ALKBH4: variants seen among roughly 807,000 people sequenced by gnomAD.
ALKBH4 encodes alkB homolog 4, lysine demethylase.
In ALKBH4, 8 loss-of-function variants were observed where a neutral mutation model predicts 12.1. The ratio of observed to expected loss-of-function variants is 0.66; its 90% CI spans 0.39 to 1.19. The LOEUF is 1.19. Ranked by LOEUF, ALKBH4 falls within the 50% of genes most tolerant of loss-of-function variation. The pLI is 0.01. For synonymous variants in ALKBH4, 195 were observed against 191.6 expected, an observed-to-expected ratio of 1.02 and a Z score of -0.15; for missense variants, 403 against 430.4, an observed-to-expected ratio of 0.94 and a Z score of 0.56.
chr7:102,462,517 A>C (rs1323896111), intron 1 of ALKBH4, among the ~76,000 whole-genome samples: 1 of 151,644 alleles, frequency 6.6e-6, no homozygotes, highest in Non-Finnish European at 1.5e-5. Flanking sequence ...ACAAGCACAC[A>C]CCACCACACC....
Position 102,457,412 on chromosome 7 carries a change from G to A in ALKBH4, c.891C>T (p.Phe297=). ...GQELLRIALS[F]QGRPV ...AGGCGGTTCACACGGGTCTTCCCTG[G>A]AAGGAGAGGGCGATCCGCAGCAGTT... The change falls in exon 3 of 3, where the codon TTC becomes TTT. Residue 297 remains phenylalanine (F), a synonymous_variant. Coordinates refer to ENST00000292566, the MANE Select transcript of ALKBH4 (RefSeq NM_017621.4). The surrounding 1 kb of genome is among the most constrained non-coding windows in gnomAD (Gnocchi z 5.9). 2 of 1,611,688 alleles carry A rather than the reference G, an allele frequency of 1.2e-6. No homozygotes were observed. Among genetic ancestry groups the A allele is most frequent in the Non-Finnish European group, 1.7e-6 (2 of 1,178,508 alleles).
Position 102,457,742 on chromosome 7 carries a change from G to A in ALKBH4, c.561C>T (p.Ser187=). Reference sequence around the variant, plus strand: ...CCCGACACATGGACAGCACGGTGGGGGACAGGAGGTTGAGGCTGACCAGCC... The same window carrying A: ...CCCGACACATGGACAGCACGGTGGGAGACAGGAGGTTGAGGCTGACCAGCC... ...GERLVSLNLL[S]PTVLSMCREA... Residue 187 remains serine, a synonymous_variant, in exon 3 of 3, where the codon TCC becomes TCT. Coordinates refer to ENST00000292566, the MANE Select transcript of ALKBH4 (RefSeq NM_017621.4). This position sits in a 1 kb window ranked among gnomAD's most constrained non-coding sequence, Gnocchi z 5.9. 6.3e-7 allele frequency: 1 copy of A among 1,578,754 alleles called. No homozygotes were observed. Among genetic ancestry groups the A allele is most frequent in the Non-Finnish European group, 8.6e-7 (1 of 1,165,284 alleles).
intron 1 of ALKBH4, 75 bp downstream of exon 1, chr7:102,464,639 C>T: frequency 2.1e-6 from 3 of 1,448,116 alleles, no homozygotes; most frequent in Non-Finnish European, 2.7e-6. Flanking sequence ...CGGCCCCTAT[C>T]ATGGCCAAGC....
intron 2 of ALKBH4, among the ~76,000 whole-genome samples, chr7:102,458,854 C>T (rs752691315): frequency 2.0e-5 from 3 of 151,808 alleles, no homozygotes; most frequent in Non-Finnish European, 4.4e-5. Context: ...AACAGGATGT[C>T]ACAAAAGAAT....
Position 102,458,000 on chromosome 7 carries a change from G to A in ALKBH4, c.322-19C>T. ...CATAGTCCTGAAGGATGAAGACAAA[G>A]AGGACATGAGGTGTCTGAGTTTACG... On this transcript the variant is annotated intron_variant, in intron 2 of 2. Coordinates refer to ENST00000292566, the MANE Select transcript of ALKBH4 (RefSeq NM_017621.4). The surrounding 1 kb of genome is among the most constrained non-coding windows in gnomAD (Gnocchi z 5.9). 1 of 1,572,976 alleles carries A rather than the reference G, an allele frequency of 6.4e-7. No individual in the cohort carries two copies. The highest frequency in any genetic ancestry group is 8.6e-7 in the Non-Finnish European group (1 of 1,156,610).
Position 102,457,282 on chromosome 7 carries a change from A to G in ALKBH4, c.*112T>C. The G allele has an allele frequency of 3.2e-6, 4 of 1,258,778 alleles. No homozygotes were observed. Among genetic ancestry groups the G allele is most frequent in the Non-Finnish European group, 4.5e-6 (4 of 896,984 alleles). 78.0% of individuals were successfully genotyped at this position (1,258,778 alleles called of 1,614,324 possible). A position where few individuals can be genotyped will look rare whatever the true frequency, so the allele number is the denominator to read the frequency against. The stretch of plus-strand genomic sequence containing the variant: ...CCTGGGCAGGGCTCACACTGCTCAC[A>G]GCATCAGGGGTCAGCCATCTTCTCT... On this transcript the variant is annotated 3_prime_UTR_variant, in exon 3 of 3. Coordinates refer to ENST00000292566, the MANE Select transcript of ALKBH4 (RefSeq NM_017621.4). The surrounding 1 kb of genome is among the most constrained non-coding windows in gnomAD (Gnocchi z 5.9).
At chr7:102,458,025 G>A (rs753696840) in intron 2 of ALKBH4, 44 bp from the exon 3 acceptor site, 18 of 1,530,730 alleles carry the variant, frequency 1.2e-5, no homozygotes, top group East Asian at 2.3e-5. Flanking sequence ...CTGAGTTTAC[G>A]AAGATGTCTA....
intron 1 of ALKBH4, among the ~76,000 whole-genome samples, chr7:102,464,089 C>T (rs1797875943): frequency 6.6e-6 from 1 of 152,186 alleles, no homozygotes; most frequent in South Asian, 2.1e-4. Context: ...GAGGCATCAC[C>T]AATCCACCTT....
chr7:102,460,062 G>C (rs569690990), intron 1 of ALKBH4, among the ~76,000 whole-genome samples: 1 of 151,712 alleles, frequency 6.6e-6, no homozygotes, highest in Admixed American at 6.6e-5. Flanking sequence ...GCTGAAGCTG[G>C]AGAATTGCTT....
chr7:102,459,752 G>A lies in ALKBH4; in HGVS notation c.173C>T (p.Thr58Ile), dbSNP rs890038006. ...YCSDTGWAVG[T>I]EESDFEGWAF... is the part of the protein sequence containing the mutation. ...CCAGCCCTCAAAGTCAGACTCCTCTGTGCCCACGGCCCAGCCGGTGTCGGA... is the reference window on the plus strand; with the variant it reads ...CCAGCCCTCAAAGTCAGACTCCTCTATGCCCACGGCCCAGCCGGTGTCGGA... The change falls in exon 2 of 3, where the codon ACA (threonine) becomes ATA (isoleucine). Residue 58 changes from threonine to isoleucine, a missense_variant. By Grantham distance (89) the Thr-to-Ile change is moderately conservative. Coordinates refer to ENST00000292566, the MANE Select transcript of ALKBH4 (RefSeq NM_017621.4). 6.2e-7 allele frequency: 1 copy of A among 1,613,532 alleles called. No homozygotes were observed. The highest frequency in any genetic ancestry group is 8.5e-7 in the Non-Finnish European group (1 of 1,179,794).
rs1475003354 is a variant in ALKBH4 at position 102,457,188 on chromosome 7, C to T, written c.*206G>A. The T allele has an allele frequency of 5.3e-6, 3 of 568,232 alleles. No individual in the cohort carries two copies. The highest frequency in any genetic ancestry group is 9.2e-6 in the Non-Finnish European group (3 of 327,006). The allele number at this position is 568,232 out of a possible 1,614,324, so 35.2% of individuals were successfully genotyped here. On this transcript the variant is annotated 3_prime_UTR_variant, in exon 3 of 3. Transcript: ENST00000292566. The surrounding 1 kb of genome is among the most constrained non-coding windows in gnomAD (Gnocchi z 5.9). ...CCCAAGACTGTGACAAACTAAATAA[C>T]CAAAAAAGTGTGGCCACGGTCCAGG...
intron 2 of ALKBH4, among the ~76,000 whole-genome samples, chr7:102,458,736 C>CCAA (rs1554578424): frequency 1.5e-5 from 2 of 129,206 alleles, no homozygotes; most frequent in East Asian, 2.3e-4. Flanking sequence ...GACCCTGTCT[C>CCAA]AAAAAAAAAA....
Position 102,457,148 on chromosome 7 carries a change from A to G in ALKBH4, c.*246T>C, listed in dbSNP as rs1797671827. 2.1e-6 allele frequency: 1 copy of G among 470,262 alleles called. No individual in the cohort carries two copies. Among genetic ancestry groups the G allele is most frequent in the Non-Finnish European group, 3.8e-6 (1 of 264,420 alleles). The allele number at this position is 470,262 out of a possible 1,614,324, so 29.1% of individuals were successfully genotyped here. A position where few individuals can be genotyped will look rare whatever the true frequency, so the allele number is the denominator to read the frequency against. The stretch of plus-strand genomic sequence containing the variant: ...CCGGCCCCCAGTATTTTTTAAGCTC[A>G]AATGATCCCATGTCCCCAAGACTGT... On this transcript the variant is annotated 3_prime_UTR_variant, in exon 3 of 3. Coordinates refer to ENST00000292566, the MANE Select transcript of ALKBH4 (RefSeq NM_017621.4). The surrounding 1 kb of genome is among the most constrained non-coding windows in gnomAD (Gnocchi z 5.9).
chr7:102,459,868 A>G, intron 1 of ALKBH4, 67 bp from the exon 2 acceptor site: 1 of 1,466,530 alleles, frequency 6.8e-7, no homozygotes, highest in South Asian at 1.3e-5. Context: ...GAAAAGTTAA[A>G]ACAGGCCAGG....
chr7:102,464,234 C>T (rs1459143290), intron 1 of ALKBH4, among the ~76,000 whole-genome samples: 1 of 152,190 alleles, frequency 6.6e-6, no homozygotes, highest in Non-Finnish European at 1.5e-5. Flanking sequence ...CGCTCTGTCG[C>T]CCAGGCTGAA....
At chr7:102,461,064 C>T (rs140937315) in intron 1 of ALKBH4, among the ~76,000 whole-genome samples, 1,894 of 152,238 alleles carry the variant, frequency 0.012, 33 homozygotes, top group African/African-American at 0.043. Flanking sequence ...AGGCCAGGCA[C>T]GGTGGCTCAC....
rs759442909 is a variant in ALKBH4, at chr7:102,464,770, A to C, written c.67T>G (p.Cys23Gly). 2 of 1,573,352 alleles carry C rather than the reference A, an allele frequency of 1.3e-6. No individual in the cohort carries two copies. The highest frequency in any genetic ancestry group is 1.7e-6 in the Non-Finnish European group (2 of 1,163,436). ...RECGCKGIRT[C>G]LICERQRGSD... is the part of the protein sequence containing the mutation. Reference sequence around the variant, plus strand: ...CCGCGCTGCCGCTCGCAGATCAGACAGGTCCGGATGCCCTTGCAACCGCAT... The same window carrying C: ...CCGCGCTGCCGCTCGCAGATCAGACCGGTCCGGATGCCCTTGCAACCGCAT... The change falls in exon 1 of 3, where the codon TGT becomes GGT. Residue 23 changes from cysteine (C) to glycine (G), a missense_variant. Physicochemically the swap from Cys to Gly is radical, Grantham distance 159. Coordinates refer to ENST00000292566, the MANE Select transcript of ALKBH4 (RefSeq NM_017621.4).
In ALKBH4 at chr7:102,464,822, G is replaced by GGCA. The variant is rs764295777; in HGVS notation, c.12_14dup (p.Ala6dup). ...CCCGAAGGACTTCGGGGGTCTCGGC[G>GGCA]GCAGCCGCCGCCATCGCGCCGTCCG... On this transcript the variant is annotated inframe_insertion, in exon 1 of 3. Coordinates refer to ENST00000292566, the MANE Select transcript of ALKBH4 (RefSeq NM_017621.4). 3.9e-6 allele frequency: 6 copies of GGCA among 1,527,966 alleles called. No individual in the cohort carries two copies. In the South Asian group the frequency reaches 4.8e-5, roughly 12 times the overall value. 94.7% of individuals were successfully genotyped at this position (1,527,966 alleles called of 1,614,324 possible).
intron 2 of ALKBH4, 86 bp downstream of exon 2, chr7:102,459,518 G>A: frequency 6.8e-7 from 1 of 1,479,368 alleles, no homozygotes; most frequent in Non-Finnish European, 9.1e-7. Context: ...TGAGGGGTGT[G>A]GCTGCAAGGA....
Sources: allele counts gnomAD v4.1 joint callset (sites outside exome capture counted in the v4.1 genomes callset), GRCh38; gene constraint gnomAD v4.1.1; non-coding constraint Gnocchi (gnomAD v3.1); transcripts MANE v1.5; gene names NCBI Gene and HGNC (gene_info 2026-07-23, HGNC 2026-07-21).